IMMP2L: variants seen among roughly 807,000 people sequenced by gnomAD.
IMMP2L encodes mitochondrial inner membrane protease subunit 2.
A neutral mutation model predicts 19.3 loss-of-function variants in IMMP2L; 18 were observed. The observed-to-expected ratio is 0.93, with a 90% confidence interval of 0.64 to 1.38. The LOEUF (loss-of-function observed/expected upper bound fraction) is 1.38. Ranked by LOEUF, IMMP2L falls within the 40% of genes most tolerant of loss-of-function variation. IMMP2L has a pLI of 0.00. For missense variants in IMMP2L, 233 were observed against 218.2 expected, an observed-to-expected ratio of 1.07 and a Z score of -0.43; for synonymous variants, 76 against 73.0, an observed-to-expected ratio of 1.04 and a Z score of -0.21.
chr7:111,209,987 C>T (rs1811138820), intron 3 of IMMP2L, among the ~76,000 whole-genome samples: 1 of 152,182 alleles, frequency 6.6e-6, no homozygotes, highest in Non-Finnish European at 1.5e-5. Flanking sequence ...CCCTCAGAGT[C>T]CAAGCAAGGT....
chr7:111,379,523 T>C (rs1268655080), intron 3 of IMMP2L, among the ~76,000 whole-genome samples: 1 of 151,734 alleles, frequency 6.6e-6, no homozygotes, highest in Non-Finnish European at 1.5e-5. Flanking sequence ...AAAGCACTAT[T>C]GATATTTCAC....
chr7:111,242,741 A>G (rs1815254732), intron 3 of IMMP2L, among the ~76,000 whole-genome samples: 1 of 152,032 alleles, frequency 6.6e-6, no homozygotes, highest in Admixed American at 6.6e-5. Flanking sequence ...AGCCTATGGC[A>G]CAACTAGATC....
chr7:111,228,667 T>C (rs1467743713), intron 3 of IMMP2L, among the ~76,000 whole-genome samples: 1 of 152,050 alleles, frequency 6.6e-6, no homozygotes, highest in African/African-American at 2.4e-5. Flanking sequence ...GTATGAAATT[T>C]CCTCTATTGG....
chr7:110,909,102 A>T (rs1449076767), intron 4 of IMMP2L, among the ~76,000 whole-genome samples: 1 of 152,148 alleles, frequency 6.6e-6, no homozygotes, highest in Admixed American at 6.5e-5. Context: ...TTGAGAGCGT[A>T]TGCCAAGATC....
At chr7:110,990,034 T>A (rs1478205062) in intron 3 of IMMP2L, among the ~76,000 whole-genome samples, 2 of 152,130 alleles carry the variant, frequency 1.3e-5, no homozygotes, top group African/African-American at 4.8e-5. Flanking sequence ...TAAAAGCCCA[T>A]ACATTATTTT....
At chr7:111,479,452 C>T (rs1009399642) in intron 3 of IMMP2L, among the ~76,000 whole-genome samples, 2 of 152,000 alleles carry the variant, frequency 1.3e-5, no homozygotes, top group Non-Finnish European at 2.9e-5. Flanking sequence ...TTATGTATGC[C>T]TCTATATCTT....
intron 3 of IMMP2L, among the ~76,000 whole-genome samples, chr7:111,468,311 A>T (rs1171790884): frequency 6.6e-6 from 1 of 152,132 alleles, no homozygotes; most frequent in Non-Finnish European, 1.5e-5. Flanking sequence ...TAAAATATCC[A>T]CACAGGGATT....
At chr7:110,740,619 C>T (rs1460873685) in intron 5 of IMMP2L, among the ~76,000 whole-genome samples, 1 of 152,076 alleles carries the variant, frequency 6.6e-6, no homozygotes, top group African/African-American at 2.4e-5. Flanking sequence ...GGATTCACAG[C>T]TGAATTCTAT....
intron 3 of IMMP2L, among the ~76,000 whole-genome samples, chr7:111,351,380 G>A (rs1055142268): frequency 8.6e-5 from 13 of 151,962 alleles, no homozygotes; most frequent in African/African-American, 1.7e-4. Context: ...TAGTAGAGAC[G>A]GGGTTTCACC....
chr7:110,946,718 CTT>C (rs754971058), intron 4 of IMMP2L, among the ~76,000 whole-genome samples: 5 of 114,170 alleles, frequency 4.4e-5, no homozygotes, highest in Admixed American at 1.1e-4. Context: ...CATTTAATAC[CTT>C]TTTTTTTTTT....
At chr7:110,905,446 T>C (rs1321625318) in intron 4 of IMMP2L, among the ~76,000 whole-genome samples, 1 of 151,978 alleles carries the variant, frequency 6.6e-6, no homozygotes, top group African/African-American at 2.4e-5. Context: ...CTTCAATTTT[T>C]TGTTACATTT....
intron 3 of IMMP2L, among the ~76,000 whole-genome samples, chr7:111,325,802 T>C (rs1220385839): frequency 6.6e-6 from 1 of 151,718 alleles, no homozygotes; most frequent in Admixed American, 6.6e-5. Flanking sequence ...CATACTACAT[T>C]CTATCTTTTG....
At chr7:111,260,690 T>C (rs1466757427) in intron 3 of IMMP2L, among the ~76,000 whole-genome samples, 3 of 152,252 alleles carry the variant, frequency 2.0e-5, no homozygotes, top group Admixed American at 6.5e-5. Flanking sequence ...TTAGAAAATA[T>C]GTAAGAATAA....
At chr7:110,681,315 T>C (rs186180249) in intron 5 of IMMP2L, among the ~76,000 whole-genome samples, 3 of 152,174 alleles carry the variant, frequency 2.0e-5, no homozygotes, top group Non-Finnish European at 4.4e-5. Context: ...ACCCTAGAAA[T>C]TGTAATTTTG....
At chr7:111,242,076 G>A (rs1815127464) in intron 3 of IMMP2L, among the ~76,000 whole-genome samples, 1 of 151,682 alleles carries the variant, frequency 6.6e-6, no homozygotes, top group Non-Finnish European at 1.5e-5. Context: ...TCATAGAAGT[G>A]ATTTTTTTAA....
chr7:110,721,509 C>T (rs529633786), intron 5 of IMMP2L, among the ~76,000 whole-genome samples: 1 of 151,678 alleles, frequency 6.6e-6, no homozygotes, highest in Non-Finnish European at 1.5e-5. Context: ...TGACAAAAAG[C>T]AAAAGAACAG....
rs149515237 is a variant in IMMP2L at position 111,045,013 on chromosome 7, G to A, written c.240-81448C>T. On this transcript the variant is annotated intron_variant, in intron 3 of 5. Coordinates refer to ENST00000405709, the MANE Select transcript of IMMP2L (RefSeq NM_032549.4). ...ATAAAGCAGAGAGAATATAAAGATA[G>A]AAAAGTAATAAAGAGATAATAATTA... 1.7e-3 allele frequency among the ~76,000 whole-genome samples: 256 copies of A among 152,230 alleles called. 1 individual carries two copies. Among genetic ancestry groups the A allele is most frequent in the African/African-American group, 5.9e-3 (244 of 41,544 alleles).
chr7:110,900,231 C>T (rs1489400014), intron 4 of IMMP2L, among the ~76,000 whole-genome samples: 6 of 151,640 alleles, frequency 4.0e-5, no homozygotes, highest in African/African-American at 9.7e-5. Context: ...GTCAATCCTC[C>T]GTAAATACAT....
chr7:111,078,596 T>G (rs772299422), intron 3 of IMMP2L, among the ~76,000 whole-genome samples: 1 of 152,252 alleles, frequency 6.6e-6, no homozygotes, highest in Admixed American at 6.5e-5. Flanking sequence ...GGCAAAAAAA[T>G]GTACCAAAGT....
Sources: allele counts gnomAD v4.1 joint callset (sites outside exome capture counted in the v4.1 genomes callset), GRCh38; gene constraint gnomAD v4.1.1; transcripts MANE v1.5; gene names NCBI Gene and HGNC (gene_info 2026-07-23, HGNC 2026-07-21).